Variants in NRG1 observed in about 807,000 individuals in gnomAD.
NRG1 encodes neuregulin 1.
A neutral mutation model predicts 63.8 loss-of-function variants in NRG1; 18 were observed. That is an observed-to-expected ratio of 0.28 (90% CI 0.19 to 0.42). The LOEUF is 0.42. NRG1 is among the 10% of genes least tolerant of loss of function. NRG1 has a pLI of 1.00. For synonymous variants in NRG1, 302 were observed against 301.3 expected (o/e 1.00, Z -0.02); for missense variants, 762 against 814.7 (o/e 0.94, Z 0.79).
intron 1 of NRG1, among the ~76,000 whole-genome samples, chr8:32,575,586 T>C (rs2439300): frequency 0.66 from 90,902 of 138,680 alleles, 25,577 homozygotes; most frequent in East Asian, 0.81. Context: ...GTCTGGATCT[T>C]AAAGTAGAGA....
chr8:31,719,813 G>A (rs1243427517), intron 1 of NRG1, among the ~76,000 whole-genome samples: 1 of 150,942 alleles, frequency 6.6e-6, no homozygotes, highest in Non-Finnish European at 1.5e-5. Flanking sequence ...TATGATGTAT[G>A]TGTAAATTTT....
intron 1 of NRG1, among the ~76,000 whole-genome samples, chr8:32,579,244 C>T (rs1840225109): frequency 7.9e-6 from 1 of 125,848 alleles, no homozygotes; most frequent in African/African-American, 3.0e-5. Flanking sequence ...GGGATGCAAG[C>T]ATTCATAAAT....
At chr8:31,977,439 T>C (rs368465556) in intron 1 of NRG1, among the ~76,000 whole-genome samples, 6 of 152,078 alleles carry the variant, frequency 3.9e-5, no homozygotes, top group East Asian at 3.9e-4. Flanking sequence ...TTTTCAACTA[T>C]CTTTTTAGTT....
chr8:31,800,002 C>G (rs1821600962), intron 1 of NRG1, among the ~76,000 whole-genome samples: 1 of 152,204 alleles, frequency 6.6e-6, no homozygotes, highest in Admixed American at 6.5e-5. Flanking sequence ...TGAACCTATA[C>G]AGGTTAATTG....
At chr8:31,946,619 T>C (rs1326231058) in intron 1 of NRG1, among the ~76,000 whole-genome samples, 1 of 151,976 alleles carries the variant, frequency 6.6e-6, no homozygotes, top group African/African-American at 2.4e-5. Flanking sequence ...TCACTCTTTA[T>C]GATTACACCA....
At chr8:31,809,418 T>A (rs905290355) in intron 1 of NRG1, among the ~76,000 whole-genome samples, 1 of 145,974 alleles carries the variant, frequency 6.9e-6, no homozygotes, top group Admixed American at 6.9e-5. Flanking sequence ...ATATATATAC[T>A]TTTTATGTCT....
chr8:32,102,832 T>G (rs1348035680), intron 1 of NRG1, among the ~76,000 whole-genome samples: 6 of 152,114 alleles, frequency 3.9e-5, no homozygotes, highest in Non-Finnish European at 8.8e-5. Context: ...ATGCCCTCCA[T>G]GCTCACTGGA....
chr8:32,260,961 C>G (rs977550108), intron 1 of NRG1, among the ~76,000 whole-genome samples: 3 of 152,160 alleles, frequency 2.0e-5, no homozygotes, highest in African/African-American at 7.2e-5. Context: ...TTATTGGCCA[C>G]TGGAGGATAC....
intron 1 of NRG1, among the ~76,000 whole-genome samples, chr8:31,823,482 G>A (rs1824210282): frequency 2.0e-5 from 3 of 152,158 alleles, no homozygotes; most frequent in Non-Finnish European, 4.4e-5. Flanking sequence ...TTTATTGGAA[G>A]AGTTGGTTTG....
Position 31,671,929 on chromosome 8 carries a change from G to A in NRG1, c.37+32498G>A, listed in dbSNP as rs143070069. On this transcript the variant is annotated intron_variant, in intron 1 of 10. Transcript: ENST00000519301. Reference sequence around the variant, plus strand: ...TCACAATCTATCAGCAATAAAAAAAGATAGCAATATAGAGATGAAAGAGGA... The same window carrying A: ...TCACAATCTATCAGCAATAAAAAAAAATAGCAATATAGAGATGAAAGAGGA... Among the ~76,000 whole-genome samples the A allele has an allele frequency of 6.3e-3, 954 of 152,190 alleles. 11 individuals carry two copies. Among genetic ancestry groups the A allele is most frequent in the African/African-American group, 0.022 (903 of 41,536 alleles).
chr8:32,721,747 C>A (rs542581407), intron 5 of NRG1: 3 of 999,540 alleles, frequency 3.0e-6, no homozygotes, highest in South Asian at 8.0e-5. Context: ...TGGTTCTGAG[C>A]CTGGCTCTGA....
At chr8:31,683,249 A>G (rs1808519282) in intron 1 of NRG1, among the ~76,000 whole-genome samples, 2 of 152,162 alleles carry the variant, frequency 1.3e-5, no homozygotes, top group South Asian at 4.1e-4. Context: ...ATGGATGTTT[A>G]TAGCAGTTTT....
chr8:32,357,205 T>A (rs530826158), intron 1 of NRG1, among the ~76,000 whole-genome samples: 6 of 152,236 alleles, frequency 3.9e-5, no homozygotes, highest in Admixed American at 3.3e-4. Flanking sequence ...GGATGGAAAT[T>A]GTATAGTGTC....
chr8:32,059,559 G>A (rs1009609623), intron 1 of NRG1, among the ~76,000 whole-genome samples: 2 of 151,924 alleles, frequency 1.3e-5, no homozygotes, highest in African/African-American at 4.8e-5. Context: ...CCCTTTGGCC[G>A]ACGATAGAAT....
chr8:31,797,605 A>G (rs1303590265), intron 1 of NRG1, among the ~76,000 whole-genome samples: 1 of 152,246 alleles, frequency 6.6e-6, no homozygotes, highest in Admixed American at 6.5e-5. Flanking sequence ...CAATTGCACT[A>G]TTGGGTATTT....
At chr8:32,387,386 T>C (rs1170200720) in intron 1 of NRG1, among the ~76,000 whole-genome samples, 2 of 152,176 alleles carry the variant, frequency 1.3e-5, no homozygotes, top group Non-Finnish European at 2.9e-5. Context: ...TCTAATGTAT[T>C]ATTAAATAAT....
chr8:31,708,191 C>T (rs1698001777), intron 1 of NRG1, among the ~76,000 whole-genome samples: 2 of 152,158 alleles, frequency 1.3e-5, no homozygotes, highest in Admixed American at 1.3e-4. Context: ...CATGTGTGCC[C>T]ATGTTCTTGC....
chr8:32,398,991 A>G (rs1812814722), intron 1 of NRG1, among the ~76,000 whole-genome samples: 1 of 152,218 alleles, frequency 6.6e-6, no homozygotes, highest in Non-Finnish European at 1.5e-5. Context: ...TTTGCTTAAA[A>G]TAACCTCATT....
At chr8:32,541,291 T>C (rs1832548397) in intron 1 of NRG1, among the ~76,000 whole-genome samples, 1 of 152,034 alleles carries the variant, frequency 6.6e-6, no homozygotes, top group Admixed American at 6.6e-5. Flanking sequence ...TCATAAAGAT[T>C]TAGTGAGGAA....
Sources: gnomAD v4.1 joint callset for allele counts (sites outside exome capture counted in the v4.1 genomes callset) on GRCh38, gnomAD v4.1.1 for gene constraint, MANE v1.5 for transcripts, NCBI Gene and HGNC (gene_info 2026-07-23, HGNC 2026-07-21) for gene names.